Variants in EIF4G3 observed in about 807,000 individuals in gnomAD.
EIF4G3 encodes eIF-4-gamma 3.
A neutral mutation model predicts 186.4 loss-of-function variants in EIF4G3; 34 were observed. The ratio of observed to expected loss-of-function variants is 0.18; its 90% CI spans 0.14 to 0.24. The LOEUF is 0.24. Ranked by LOEUF, EIF4G3 falls within the 10% of genes least tolerant of loss-of-function variation. The probability of loss-of-function intolerance (pLI) is 1.00; values close to 1 mark genes in which losing one functional copy is unlikely to be tolerated. For missense variants in EIF4G3, 1,536 were observed against 1,948.5 expected (o/e 0.79, Z 3.99); for synonymous variants, 673 against 679.5 (o/e 0.99, Z 0.15).
At chr1:21,052,612 G>A (rs1057164734) in intron 3 of EIF4G3, among the ~76,000 whole-genome samples, 3 of 151,238 alleles carry the variant, frequency 2.0e-5, no homozygotes, top group African/African-American at 4.9e-5. Context: ...CTCTTTCCAC[G>A]GTCTCCCCCT....
intron 13 of EIF4G3, among the ~76,000 whole-genome samples, chr1:20,945,159 T>C (rs937535772): frequency 6.6e-6 from 1 of 152,082 alleles, no homozygotes; most frequent in African/African-American, 2.4e-5. Flanking sequence ...AAAACACTTA[T>C]TTTATCCCTC....
intron 2 of EIF4G3, among the ~76,000 whole-genome samples, chr1:21,127,903 ATAAAT>A (rs1389439567): frequency 2.0e-5 from 3 of 152,208 alleles, no homozygotes; most frequent in African/African-American, 7.2e-5. Flanking sequence ...ACTCATGGAA[ATAAAT>A]TAAAAGTTTC....
intron 2 of EIF4G3, among the ~76,000 whole-genome samples, chr1:21,155,445 A>G (rs1237427708): frequency 6.6e-6 from 1 of 152,102 alleles, no homozygotes; most frequent in Non-Finnish European, 1.5e-5. Flanking sequence ...TCTTTTATTG[A>G]AAACTCCAGG....
intron 11 of EIF4G3, among the ~76,000 whole-genome samples, chr1:20,970,836 C>T (rs12117283): frequency 0.34 from 50,711 of 151,350 alleles, 9,221 homozygotes; most frequent in Non-Finnish European, 0.41. Flanking sequence ...CGGTGGCAGG[C>T]GCCTGTAATC....
intron 3 of EIF4G3, among the ~76,000 whole-genome samples, chr1:21,067,804 TGA>T (rs1168578368): frequency 1.3e-5 from 2 of 152,064 alleles, no homozygotes; most frequent in African/African-American, 4.8e-5. Flanking sequence ...ATCTTATCAG[TGA>T]GAGTTATTGA....
chr1:21,130,077 G>A (rs1434211547), intron 2 of EIF4G3, among the ~76,000 whole-genome samples: 1 of 152,006 alleles, frequency 6.6e-6, no homozygotes, highest in Non-Finnish European at 1.5e-5. Flanking sequence ...TACACCAAAG[G>A]TAATGACAAC....
At chr1:20,811,442 C>G (rs2059225878) in intron 35 of EIF4G3, among the ~76,000 whole-genome samples, 1 of 152,084 alleles carries the variant, frequency 6.6e-6, no homozygotes, top group African/African-American at 2.4e-5. Flanking sequence ...TACAAAGGAC[C>G]CATATGGCTC....
intron 12 of EIF4G3, among the ~76,000 whole-genome samples, chr1:20,966,307 G>T (rs1460581387): frequency 6.6e-6 from 1 of 152,142 alleles, no homozygotes; most frequent in African/African-American, 2.4e-5. Flanking sequence ...TATTTATCTG[G>T]ATTGATGTCA....
chr1:21,068,375 T>TG (rs1219542911), intron 3 of EIF4G3, among the ~76,000 whole-genome samples: 4 of 67,824 alleles, frequency 5.9e-5, no homozygotes, highest in African/African-American at 2.0e-4. Context: ...ACTCTGTCTT[T>TG]AAAAAAAAAA....
At chr1:21,025,380 CAG>C (rs927263754) in intron 4 of EIF4G3, among the ~76,000 whole-genome samples, 7 of 152,038 alleles carry the variant, frequency 4.6e-5, no homozygotes, top group Admixed American at 2.0e-4. Context: ...AGATATCAAA[CAG>C]GGATCTATTC....
chr1:21,133,986 ATGTCACT>A (rs2097197528), intron 2 of EIF4G3, among the ~76,000 whole-genome samples: 1 of 152,204 alleles, frequency 6.6e-6, no homozygotes, highest in Admixed American at 6.5e-5. Context: ...ATGGATTTCA[ATGTCACT>A]TGCTGCTTCT....
At chr1:21,047,041 TC>T (rs1346105949) in intron 4 of EIF4G3, among the ~76,000 whole-genome samples, 1 of 152,062 alleles carries the variant, frequency 6.6e-6, no homozygotes, top group Non-Finnish European at 1.5e-5. Flanking sequence ...AATTCTAATT[TC>T]CCCCTATATG....
At chr1:20,888,213 G>A (rs1359986134) in intron 18 of EIF4G3, among the ~76,000 whole-genome samples, 2 of 152,122 alleles carry the variant, frequency 1.3e-5, no homozygotes, top group Non-Finnish European at 2.9e-5. Context: ...AGACAAATAT[G>A]TGTGAGTTTC....
intron 11 of EIF4G3, among the ~76,000 whole-genome samples, chr1:20,972,074 T>A (rs1232245772): frequency 6.6e-6 from 1 of 152,206 alleles, no homozygotes. Context: ...CGTAAGGAAT[T>A]GCAAGCCACT....
In EIF4G3 at chr1:20,941,917, T is replaced by G. The variant is rs1424778247; in HGVS notation, c.1237A>C (p.Asn413His). 82 of 1,614,054 alleles carry G rather than the reference T, an allele frequency of 5.1e-5. No homozygotes were observed. In the Admixed American group the frequency reaches 1.3e-3, roughly 26 times the overall value. ...TTTTCGCTAACTCCATTTATTTCAT[T>G]AATTAGGTTAGTACTAGAAACCAGT... ...IPLVSSTNLI[N>H]EINGVSEKLS... The change falls in exon 14 of 37, where the codon AAT becomes CAT. Residue 413 changes from asparagine to histidine, a missense_variant. By Grantham distance (68) the Asn-to-His change is moderately conservative (BLOSUM62 1). This residue lies in a region of EIF4G3 where 560 missense variants were observed against 547.8 expected (regional missense o/e 1.02). Coordinates refer to ENST00000602326, the MANE Select transcript of EIF4G3 (RefSeq NM_001391906.1).
intron 26 of EIF4G3, among the ~76,000 whole-genome samples, chr1:20,853,989 C>G (rs2074121025): frequency 6.6e-6 from 1 of 152,124 alleles, no homozygotes; most frequent in African/African-American, 2.4e-5. Flanking sequence ...AGCTAACCAG[C>G]ACAAATGCTC....
chr1:20,987,629 A>G (rs1211411539), intron 7 of EIF4G3, among the ~76,000 whole-genome samples: 1 of 152,198 alleles, frequency 6.6e-6, no homozygotes, highest in East Asian at 1.9e-4. Flanking sequence ...CTGCACCCAT[A>G]GAAGACAGCA....
intron 29 of EIF4G3, chr1:20,841,352 T>C (rs1344596354): frequency 5.9e-6 from 1 of 168,666 alleles, no homozygotes; most frequent in Non-Finnish European, 1.3e-5. Context: ...AAAGCTAACA[T>C]GTTTAGTTTA....
intron 2 of EIF4G3, among the ~76,000 whole-genome samples, chr1:21,139,563 A>G (rs924915687): frequency 1.3e-5 from 2 of 152,222 alleles, no homozygotes; most frequent in South Asian, 4.1e-4. Flanking sequence ...CAAGGCAAAA[A>G]CCAAGTTAAT....
Sources: allele counts gnomAD v4.1 joint callset (sites outside exome capture counted in the v4.1 genomes callset), GRCh38; gene constraint gnomAD v4.1.1; regional missense constraint gnomAD v4.1.1; transcripts MANE v1.5; gene names NCBI Gene and HGNC (gene_info 2026-07-23, HGNC 2026-07-21).